GRHL2: variants seen among roughly 807,000 people sequenced by gnomAD.
GRHL2 encodes grainyhead-like protein 2 homolog.
A neutral mutation model predicts 83.8 loss-of-function variants in GRHL2; 21 were observed. That is an observed-to-expected ratio of 0.25 (90% CI 0.18 to 0.36). The LOEUF (loss-of-function observed/expected upper bound fraction) is 0.36. Among genes scored for constraint, GRHL2 ranks in the 10% least tolerant of loss-of-function variants. The pLI is 1.00. For synonymous variants in GRHL2, 280 were observed against 278.9 expected (o/e 1.00, Z -0.04); for missense variants, 623 against 781.8 (o/e 0.80, Z 2.42).
chr8:101,580,851 A>C (rs1382573466), intron 7 of GRHL2, among the ~76,000 whole-genome samples: 2 of 152,012 alleles, frequency 1.3e-5, no homozygotes, highest in Non-Finnish European at 2.9e-5. Flanking sequence ...CTACAGGCAC[A>C]CGCCACCACG....
intron 1 of GRHL2, among the ~76,000 whole-genome samples, chr8:101,526,525 CTTTTTTTTT>C (rs33928032): frequency 9.1e-6 from 1 of 109,658 alleles, no homozygotes; most frequent in Non-Finnish European, 1.8e-5. Context: ...TCTTTTTTTC[CTTTTTTTTT>C]TTTTTTTTTT....
rs1813422834 is a variant in GRHL2 at position 101,642,549 on chromosome 8, TTACACAG to T, written c.1518-1579_1518-1573del. Among the ~76,000 whole-genome samples, 3 of 152,154 alleles carry T rather than the reference TTACACAG, an allele frequency of 2.0e-5. No homozygotes were observed. The South Asian group carries it at 6.2e-4, about 32-fold the overall frequency. On this transcript the variant is annotated intron_variant, in intron 12 of 15. Transcript: ENST00000646743. ...CCATGGTCACTTTAGTTCCAAGACG[TTACACAG>T]TAACGTGACCTGCTTTTACGACAAG...
At chr8:101,508,254 A>G (rs1235498379) in intron 1 of GRHL2, among the ~76,000 whole-genome samples, 1 of 152,152 alleles carries the variant, frequency 6.6e-6, no homozygotes, top group Non-Finnish European at 1.5e-5. Context: ...CACTCCCACC[A>G]ATGGTGTATC....
At chr8:101,568,740 C>T (rs1811766118) in intron 4 of GRHL2, among the ~76,000 whole-genome samples, 1 of 152,054 alleles carries the variant, frequency 6.6e-6, no homozygotes, top group Non-Finnish European at 1.5e-5. Context: ...TGCTGATTAC[C>T]TAATTTATTG....
In GRHL2 at chr8:101,492,523, C is replaced by G; in HGVS notation, c.-247C>G. 1.6e-6 allele frequency: 1 copy of G among 608,960 alleles called. No individual in the cohort carries two copies. 37.7% of individuals were successfully genotyped at this position (608,960 alleles called of 1,614,324 possible). On this transcript the variant is annotated 5_prime_UTR_variant, in exon 1 of 16. Coordinates refer to ENST00000646743, the MANE Select transcript of GRHL2 (RefSeq NM_024915.4). Reference sequence around the variant, plus strand: ...CACGATCCAGGAGGACTCCGCGCCGCCCGGCCGCCTCCGAGCTCGGGCCCC... The same window carrying G: ...CACGATCCAGGAGGACTCCGCGCCGGCCGGCCGCCTCCGAGCTCGGGCCCC...
intron 7 of GRHL2, among the ~76,000 whole-genome samples, chr8:101,592,951 T>G (rs1334392795): frequency 6.6e-6 from 1 of 152,084 alleles, no homozygotes; most frequent in Non-Finnish European, 1.5e-5. Flanking sequence ...TTTTATTCTT[T>G]TTGTTGTTGT....
At chr8:101,635,334 G>A (rs1813264903) in intron 11 of GRHL2, among the ~76,000 whole-genome samples, 1 of 152,114 alleles carries the variant, frequency 6.6e-6, no homozygotes, top group Non-Finnish European at 1.5e-5. Flanking sequence ...TGACATGGAA[G>A]AAATAGTGGG....
chr8:101,627,233 G>T (rs1813098074), intron 9 of GRHL2, among the ~76,000 whole-genome samples: 1 of 152,054 alleles, frequency 6.6e-6, no homozygotes. Flanking sequence ...TGACAACCCT[G>T]TATTGATCAA....
chr8:101,613,500 CA>C (rs1554592493), intron 8 of GRHL2, among the ~76,000 whole-genome samples: 4 of 150,872 alleles, frequency 2.7e-5, no homozygotes, highest in Non-Finnish European at 5.9e-5. Flanking sequence ...GATATTAAAT[CA>C]CTATTTGATG....
At chr8:101,636,967 A>G (rs375525558) in intron 12 of GRHL2, 39 bp downstream of exon 12, 37 of 1,586,984 alleles carry the variant, frequency 2.3e-5, no homozygotes, top group Non-Finnish European at 2.9e-5. Flanking sequence ...ACTCCAAGTC[A>G]GCTCATGTCA....
At chr8:101,504,689 A>G (rs1391483812) in intron 1 of GRHL2, among the ~76,000 whole-genome samples, 3 of 151,824 alleles carry the variant, frequency 2.0e-5, no homozygotes, top group Admixed American at 2.0e-4. Flanking sequence ...TTTAGAGTAT[A>G]GACTTGCTTC....
intron 7 of GRHL2, among the ~76,000 whole-genome samples, chr8:101,582,970 G>C (rs898049823): frequency 6.6e-6 from 1 of 152,186 alleles, no homozygotes; most frequent in Non-Finnish European, 1.5e-5. Flanking sequence ...GTGTAAGAGA[G>C]GGTAATAATA....
intron 8 of GRHL2, among the ~76,000 whole-genome samples, chr8:101,606,017 C>T (rs1355756583): frequency 6.6e-6 from 1 of 152,180 alleles, no homozygotes; most frequent in Non-Finnish European, 1.5e-5. Context: ...ATTCCTTGTT[C>T]TTTTTTTGAA....
intron 1 of GRHL2, among the ~76,000 whole-genome samples, chr8:101,524,344 ATTTGT>A (rs1372318838): frequency 6.6e-6 from 1 of 152,102 alleles, no homozygotes; most frequent in Non-Finnish European, 1.5e-5. Context: ...TACTTCGTTA[ATTTGT>A]TTTATCTTTA....
intron 1 of GRHL2, among the ~76,000 whole-genome samples, chr8:101,508,119 A>C (rs1173974727): frequency 6.6e-6 from 1 of 152,220 alleles, no homozygotes; most frequent in Admixed American, 6.5e-5. Context: ...AATTTTGCAC[A>C]CTTCTTAGTT....
intron 1 of GRHL2, among the ~76,000 whole-genome samples, chr8:101,510,147 C>A (rs1327535819): frequency 2.6e-5 from 4 of 152,122 alleles, no homozygotes; most frequent in Non-Finnish European, 1.5e-5. Flanking sequence ...CAGGCTCACA[C>A]CACCATGCCC....
chr8:101,579,808 T>C (rs889076364), intron 7 of GRHL2, among the ~76,000 whole-genome samples: 32 of 151,838 alleles, frequency 2.1e-4, no homozygotes, highest in African/African-American at 7.5e-4. Flanking sequence ...AACTCTGGAG[T>C]GTGATATTGA....
At chr8:101,678,675 T>A in the GRHL2 span, among the ~76,000 whole-genome samples, 3,438 of 150,950 alleles carry the variant, frequency 0.023, 43 homozygotes, top group Middle Eastern at 0.073. Flanking sequence ...CAGACTTAAA[T>A]GTCCCTGTCT....
chr8:101,510,927 C>T (rs1170319099), intron 1 of GRHL2, among the ~76,000 whole-genome samples: 3 of 152,012 alleles, frequency 2.0e-5, no homozygotes, highest in Non-Finnish European at 2.9e-5. Context: ...GGCGAAACCC[C>T]GTCTCTACTA....
Sources: allele counts gnomAD v4.1 joint callset (sites outside exome capture counted in the v4.1 genomes callset), GRCh38; gene constraint gnomAD v4.1.1; transcripts MANE v1.5; gene names NCBI Gene and HGNC (gene_info 2026-07-23, HGNC 2026-07-21).